Variants in BRAF observed in about 807,000 individuals in gnomAD.
BRAF encodes the protein serine/threonine-protein kinase B-raf.
Under a neutral mutation model 104.6 loss-of-function variants are expected in BRAF, and 16 were observed. The observed-to-expected ratio is 0.15, with a 90% CI of 0.10 to 0.23. The LOEUF (loss-of-function observed/expected upper bound fraction) is 0.23. Among genes scored for constraint, BRAF ranks in the 10% least tolerant of loss-of-function variants. The probability of loss-of-function intolerance (pLI) is 1.00; values close to 1 mark genes in which losing one functional copy is unlikely to be tolerated. For missense variants in BRAF, 541 were observed against 937.3 expected (o/e 0.58, Z 5.52); for synonymous variants, 310 against 341.6 (o/e 0.91, Z 1.02).
At chr7:140,859,709 G>A (rs1280704878) in intron 1 of BRAF, among the ~76,000 whole-genome samples, 8 of 126,698 alleles carry the variant, frequency 6.3e-5, no homozygotes, top group Non-Finnish European at 1.1e-4. Flanking sequence ...TTTTTTTTGA[G>A]ATGGAGTCTC....
intron 3 of BRAF, among the ~76,000 whole-genome samples, chr7:140,826,658 A>G (rs1229688523): frequency 6.6e-6 from 1 of 152,166 alleles, no homozygotes; most frequent in African/African-American, 2.4e-5. Flanking sequence ...TATACTTCAG[A>G]TTTGTACCCT....
intron 3 of BRAF, among the ~76,000 whole-genome samples, chr7:140,829,708 A>T (rs1393991729): frequency 6.6e-6 from 1 of 152,152 alleles, no homozygotes; most frequent in Non-Finnish European, 1.5e-5. Context: ...TCTCCCGCAG[A>T]TTACCAGTTT....
intron 3 of BRAF, among the ~76,000 whole-genome samples, chr7:140,825,385 T>A (rs897801954): frequency 6.6e-6 from 1 of 152,218 alleles, no homozygotes; most frequent in African/African-American, 2.4e-5. Context: ...CTCTTAATAC[T>A]GTCTTTTGAA....
chr7:140,749,137 G>T, intron 17 of BRAF, 150 bp downstream of exon 16: 1 of 1,019,384 alleles, frequency 9.8e-7, no homozygotes, highest in Non-Finnish European at 1.4e-6. Flanking sequence ...TGCTATTACT[G>T]CCAAAAGTAT....
At chr7:140,854,917 C>G (rs990452626) in intron 1 of BRAF, among the ~76,000 whole-genome samples, 4 of 152,046 alleles carry the variant, frequency 2.6e-5, no homozygotes, top group African/African-American at 9.7e-5. Context: ...TGCACTCCAG[C>G]CTGGGTGACA....
intron 17 of BRAF, among the ~76,000 whole-genome samples, chr7:140,748,078 A>G (rs1389522897): frequency 6.6e-6 from 1 of 152,216 alleles, no homozygotes; most frequent in African/African-American, 2.4e-5. Context: ...AACACAGTCA[A>G]GACCACTGTT....
In BRAF at chr7:140,726,525, G is replaced by A. The variant is rs1485994386; in HGVS notation, c.2402-9C>T. The A allele has an allele frequency of 2.6e-6, 4 of 1,533,564 alleles. No individual in the cohort carries two copies. The highest frequency in any genetic ancestry group is 3.5e-6 in the Non-Finnish European group (4 of 1,144,438). 95.0% of individuals were successfully genotyped at this position (1,533,564 alleles called of 1,614,324 possible). On this transcript the variant is annotated splice_polypyrimidine_tract_variant and intron_variant, in intron 19 of 19. Coordinates refer to ENST00000644969, the MANE Select transcript of BRAF (RefSeq NM_001374258.1). ...GAAGGCTGCAAATTCTCCTGTAGAGGGAGGACAAGAGCTAATTTTAAAAAA... is the reference window on the plus strand; with the variant it reads ...GAAGGCTGCAAATTCTCCTGTAGAGAGAGGACAAGAGCTAATTTTAAAAAA...
chr7:140,791,824 C>T (rs1215947549), intron 8 of BRAF, among the ~76,000 whole-genome samples: 3 of 152,200 alleles, frequency 2.0e-5, no homozygotes, highest in Non-Finnish European at 2.9e-5. Flanking sequence ...TTATCCTCTA[C>T]TTCTCATATT....
intron 14 of BRAF, among the ~76,000 whole-genome samples, chr7:140,765,603 G>A (rs1799233798): frequency 6.6e-6 from 1 of 151,676 alleles, no homozygotes; most frequent in Non-Finnish European, 1.5e-5. Flanking sequence ...AAATTTACAA[G>A]AAAAAAACAA....
At chr7:140,729,354 A>G (rs1042496904) in intron 19 of BRAF, among the ~76,000 whole-genome samples, 1 of 152,218 alleles carries the variant, frequency 6.6e-6, no homozygotes, top group African/African-American at 2.4e-5. Flanking sequence ...AGTCTTAAAA[A>G]TAAAAACCAG....
intron 19 of BRAF, among the ~76,000 whole-genome samples, chr7:140,727,040 A>G (rs1475520728): frequency 1.3e-5 from 2 of 152,186 alleles, no homozygotes; most frequent in Non-Finnish European, 2.9e-5. Flanking sequence ...AGTTAATTTC[A>G]CCTTCAATCT....
At chr7:140,799,667 C>CTG in intron 7 of BRAF, 1 of 232,928 alleles carries the variant, frequency 4.3e-6, no homozygotes. Context: ...ATACCACCTT[C>CTG]TTCATTAAGT....
In BRAF at chr7:140,725,585, A is replaced by G. The variant is rs181357222; in HGVS notation, c.*909T>C. The G allele has an allele frequency of 6.1e-5, 65 of 1,057,180 alleles. No homozygotes were observed. In the African/African-American group the frequency reaches 1.0e-3, roughly 17 times the overall value. The allele number at this position is 1,057,180 out of a possible 1,614,324, so 65.5% of individuals were successfully genotyped here. ...CAGTTTTGTGGGGGTTTAGTTAGAT[A>G]CTGCCACGGCATTTTGTGCCCTGGA... On this transcript the variant is annotated 3_prime_UTR_variant, in exon 20 of 20. Transcript: ENST00000644969.
intron 10 of BRAF, chr7:140,785,605 G>A (rs750287268): frequency 3.5e-5 from 14 of 396,696 alleles, no homozygotes; most frequent in Admixed American, 1.8e-4. Flanking sequence ...ACAAACACAC[G>A]CTGTGAGGGT....
chr7:140,853,198 T>C (rs1809380283), intron 1 of BRAF, among the ~76,000 whole-genome samples: 1 of 147,786 alleles, frequency 6.8e-6, no homozygotes, highest in South Asian at 2.1e-4. Context: ...CGCAACATAG[T>C]AGGACCCTGT....
intron 1 of BRAF, among the ~76,000 whole-genome samples, chr7:140,865,369 T>C (rs1326942210): frequency 6.6e-6 from 1 of 152,164 alleles, no homozygotes; most frequent in Non-Finnish European, 1.5e-5. Flanking sequence ...CATGAGCCAC[T>C]GCGCCCAGCC....
chr7:140,817,053 A>C (rs936106303), intron 3 of BRAF, among the ~76,000 whole-genome samples: 5 of 152,182 alleles, frequency 3.3e-5, no homozygotes, highest in African/African-American at 1.2e-4. Flanking sequence ...TTATATTTGG[A>C]AAAACCTAAA....
downstream of BRAF, among the ~76,000 whole-genome samples, chr7:140,717,873 A>AAATT (rs1795170155): frequency 1.3e-5 from 2 of 152,168 alleles, no homozygotes; most frequent in African/African-American, 4.8e-5. Flanking sequence ...AGTTCATAGG[A>AAATT]AATTAAGTCT....
chr7:140,814,981 TTAAG>T (rs1187879715), intron 3 of BRAF, among the ~76,000 whole-genome samples: 5 of 151,718 alleles, frequency 3.3e-5, no homozygotes, highest in African/African-American at 9.7e-5. Flanking sequence ...ATTATATGCC[TTAAG>T]TAAGCTTCAT....
Sources: gnomAD v4.1 joint callset for allele counts (sites outside exome capture counted in the v4.1 genomes callset) on GRCh38, gnomAD v4.1.1 for gene constraint, MANE v1.5 for transcripts, NCBI Gene and HGNC (gene_info 2026-07-23, HGNC 2026-07-21) for gene names.